The following FRMD4A variants were observed in gnomAD, a reference collection of about 807,000 sequenced individuals.
FRMD4A encodes FERM domain-containing protein 4A.
A neutral mutation model predicts 129.1 loss-of-function variants in FRMD4A; 29 were observed. The observed-to-expected ratio is 0.22, with a 90% CI of 0.17 to 0.31. The LOEUF (loss-of-function observed/expected upper bound fraction) is 0.31, where lower values mean the gene tolerates loss of function less well. Among genes scored for constraint, FRMD4A ranks in the 10% least tolerant of loss-of-function variants. The pLI is 1.00. For synonymous variants in FRMD4A, 634 were observed against 571.6 expected, an observed-to-expected ratio of 1.11 and a Z score of -1.56; for missense variants, 1,272 against 1,375.8, an observed-to-expected ratio of 0.92 and a Z score of 1.19.
At chr10:14,039,492 AT>A (rs1296382067) in intron 2 of FRMD4A, among the ~76,000 whole-genome samples, 2 of 150,906 alleles carry the variant, frequency 1.3e-5, no homozygotes, top group East Asian at 3.9e-4. Context: ...CTATCTATCT[AT>A]CTATCTATCT....
chr10:14,037,695 A>G (rs1293812404), intron 2 of FRMD4A, among the ~76,000 whole-genome samples: 1 of 152,158 alleles, frequency 6.6e-6, no homozygotes, highest in Non-Finnish European at 1.5e-5. Flanking sequence ...TTTGCTCCCC[A>G]TGGAGGTTAT....
rs115022400 is a variant in FRMD4A, at chr10:13,751,400, C to T, written c.465-3581G>A. ...GGATCCATGGCCCTTCATCCTTCCCCGAGGACAAATCTATAGAAATGTTCT... is the reference window on the plus strand; with the variant it reads ...GGATCCATGGCCCTTCATCCTTCCCTGAGGACAAATCTATAGAAATGTTCT... On this transcript the variant is annotated intron_variant, in intron 8 of 24. Transcript: ENST00000357447. Among the ~76,000 whole-genome samples, 777 of 152,314 alleles carry T rather than the reference C, an allele frequency of 5.1e-3. 6 individuals are homozygous for T. Among genetic ancestry groups the T allele is most frequent in the African/African-American group, 0.018 (728 of 41,568 alleles).
chr10:14,127,134 C>G (rs922705504), intron 2 of FRMD4A, among the ~76,000 whole-genome samples: 3 of 152,144 alleles, frequency 2.0e-5, no homozygotes, highest in African/African-American at 7.2e-5. Flanking sequence ...AGGAGGGAGG[C>G]AGGAAAGTCT....
intron 2 of FRMD4A, among the ~76,000 whole-genome samples, chr10:14,127,417 G>A (rs1838905404): frequency 6.6e-6 from 1 of 152,196 alleles, no homozygotes; most frequent in South Asian, 2.1e-4. Flanking sequence ...GTCCTGCGAG[G>A]TAGACAGGAG....
chr10:13,651,497 A>G (rs2081577348), intron 24 of FRMD4A: 3 of 187,174 alleles, frequency 1.6e-5, no homozygotes, highest in African/African-American at 4.8e-5. Flanking sequence ...GTTTGAGACT[A>G]TCCTGGCCAA....
intron 2 of FRMD4A, among the ~76,000 whole-genome samples, chr10:14,266,337 T>G (rs1461861130): frequency 6.6e-6 from 1 of 152,206 alleles, no homozygotes; most frequent in Non-Finnish European, 1.5e-5. Flanking sequence ...TAAGAACCAC[T>G]GTTTATCCCC....
intron 2 of FRMD4A, among the ~76,000 whole-genome samples, chr10:14,021,266 A>G (rs1832734009): frequency 1.3e-5 from 2 of 152,126 alleles, no homozygotes; most frequent in African/African-American, 2.4e-5. Context: ...GGGTCCAGAC[A>G]TGGTGGCTCA....
chr10:13,730,107 C>G (rs1487168559), intron 12 of FRMD4A, among the ~76,000 whole-genome samples: 1 of 152,104 alleles, frequency 6.6e-6, no homozygotes, highest in Admixed American at 6.5e-5. Context: ...CTGTGCAACC[C>G]CCTGGTCTCC....
chr10:13,836,252 C>G (rs1012569212), intron 3 of FRMD4A, among the ~76,000 whole-genome samples: 1 of 152,172 alleles, frequency 6.6e-6, no homozygotes, highest in Non-Finnish European at 1.5e-5. Context: ...CCTGCTTTGG[C>G]CTCCCAAAGT....
intron 2 of FRMD4A, among the ~76,000 whole-genome samples, chr10:13,863,363 C>T (rs1341305287): frequency 6.6e-6 from 1 of 152,060 alleles, no homozygotes; most frequent in Non-Finnish European, 1.5e-5. Flanking sequence ...AGGTGGATTG[C>T]CTCAGCTCAG....
chr10:13,881,146 G>A (rs2094541912), intron 2 of FRMD4A, among the ~76,000 whole-genome samples: 1 of 151,942 alleles, frequency 6.6e-6, no homozygotes, highest in African/African-American at 2.4e-5. Context: ...GGCTGGGTGT[G>A]GTGGTTCACA....
intron 2 of FRMD4A, among the ~76,000 whole-genome samples, chr10:14,325,990 T>A (rs1246102182): frequency 6.6e-6 from 1 of 152,254 alleles, no homozygotes; most frequent in Admixed American, 6.5e-5. Context: ...AATCACCCAC[T>A]AACTTCTCTG....
chr10:13,763,516 T>C (rs2092158417), intron 6 of FRMD4A, among the ~76,000 whole-genome samples: 1 of 152,204 alleles, frequency 6.6e-6, no homozygotes, highest in Non-Finnish European at 1.5e-5. Context: ...TCTACCACTG[T>C]AGAAAGTTCT....
intron 2 of FRMD4A, among the ~76,000 whole-genome samples, chr10:14,213,603 T>C (rs1310397871): frequency 6.6e-6 from 1 of 152,114 alleles, no homozygotes; most frequent in African/African-American, 2.4e-5. Context: ...AACAAAACCA[T>C]CCCACAGAAT....
intron 15 of FRMD4A, among the ~76,000 whole-genome samples, chr10:13,677,666 C>A (rs1033094778): frequency 3.3e-5 from 5 of 152,178 alleles, no homozygotes; most frequent in Admixed American, 1.3e-4. Context: ...CCTGTGCTTA[C>A]CAATCCTAAA....
intron 2 of FRMD4A, among the ~76,000 whole-genome samples, chr10:14,165,086 G>C (rs1841104047): frequency 6.6e-6 from 1 of 152,078 alleles, no homozygotes; most frequent in Admixed American, 6.6e-5. Flanking sequence ...CTATAGAATA[G>C]GAGAAAATAT....
At chr10:13,661,997 G>A (rs1013662050) in intron 19 of FRMD4A, among the ~76,000 whole-genome samples, 6 of 152,164 alleles carry the variant, frequency 3.9e-5, no homozygotes, top group Non-Finnish European at 5.9e-5. Context: ...AGGATGTGCC[G>A]ACACCTGTGA....
At chr10:14,007,745 A>G (rs981289824) in intron 2 of FRMD4A, among the ~76,000 whole-genome samples, 2 of 152,140 alleles carry the variant, frequency 1.3e-5, no homozygotes, top group African/African-American at 4.8e-5. Flanking sequence ...GCCCCCATGC[A>G]TTTCTCAGCA....
At chr10:13,951,796 A>G (rs113970214) in intron 2 of FRMD4A, among the ~76,000 whole-genome samples, 9 of 152,060 alleles carry the variant, frequency 5.9e-5, no homozygotes, top group African/African-American at 2.2e-4. Flanking sequence ...CGGCTGAGGC[A>G]GGAGAATCCC....
Sources: allele counts gnomAD v4.1 joint callset (sites outside exome capture counted in the v4.1 genomes callset), GRCh38; gene constraint gnomAD v4.1.1; transcripts MANE v1.5; gene names NCBI Gene and HGNC (gene_info 2026-07-23, HGNC 2026-07-21).